The following UTRN variants were observed in gnomAD, a reference collection of about 807,000 sequenced individuals.
UTRN encodes utrophin.
UTRN carries 283 observed loss-of-function variants against 463.9 expected under a neutral mutation model. That is an observed-to-expected ratio of 0.61 (90% CI 0.55 to 0.67). The LOEUF (loss-of-function observed/expected upper bound fraction) is 0.67, where lower values mean the gene tolerates loss of function less well. Among genes scored for constraint, UTRN ranks in the 30% least tolerant of loss-of-function variants. The pLI is 0.00. For synonymous variants in UTRN, 1,442 were observed against 1,431.5 expected (o/e 1.01, Z -0.17); for missense variants, 3,922 against 4,084.3 (o/e 0.96, Z 1.08).
At chr6:144,346,936 T>C (rs1777637152) in intron 2 of UTRN, among the ~76,000 whole-genome samples, 1 of 151,982 alleles carries the variant, frequency 6.6e-6, no homozygotes, top group Admixed American at 6.6e-5. Context: ...TCTATCTTTA[T>C]CCAGCTGTAT....
intron 47 of UTRN, among the ~76,000 whole-genome samples, 171 bp downstream of exon 47, chr6:144,549,025 C>A (rs1222179676): frequency 6.6e-6 from 1 of 152,170 alleles, no homozygotes; most frequent in African/African-American, 2.4e-5. Context: ...GCTTTTCTTG[C>A]ATTTATACTG....
At chr6:144,594,237 A>G (rs932999969) in intron 51 of UTRN, among the ~76,000 whole-genome samples, 4 of 152,064 alleles carry the variant, frequency 2.6e-5, no homozygotes, top group Non-Finnish European at 4.4e-5. Flanking sequence ...CTTAACATCT[A>G]TGTAGAGCTT....
chr6:144,440,976 A>G (rs1204381516), intron 13 of UTRN, among the ~76,000 whole-genome samples: 1 of 152,114 alleles, frequency 6.6e-6, no homozygotes, highest in African/African-American at 2.4e-5. Flanking sequence ...TCACTATCAC[A>G]AGAACAGCAA....
Position 144,516,930 on chromosome 6 carries a change from T to C in UTRN, c.5523T>C (p.Thr1841=). The change falls in exon 39 of 75, where the codon ACT becomes ACC. Residue 1841 remains threonine (T), a synonymous_variant. Coordinates refer to ENST00000367545, the MANE Select transcript of UTRN (RefSeq NM_007124.3). ...GTTTGCAATTATTACTTTTGCATAC[T>C]AGATACAACAAAATTAAGGTATTAT... is the stretch of plus-strand genomic sequence containing the variant. ...KIRLQLLLLH[T]RYNKIKAIPI... is the part of the protein sequence containing the mutation. The C allele has an allele frequency of 6.8e-7, 1 of 1,480,620 alleles. No individual in the cohort carries two copies. Among genetic ancestry groups the C allele is most frequent in the Non-Finnish European group, 8.9e-7 (1 of 1,119,854 alleles). The allele number at this position is 1,480,620 out of a possible 1,614,324, so 91.7% of individuals were successfully genotyped here.
intron 23 of UTRN, among the ~76,000 whole-genome samples, chr6:144,466,503 G>T (rs999320544): frequency 6.6e-6 from 1 of 152,142 alleles, no homozygotes; most frequent in Non-Finnish European, 1.5e-5. Flanking sequence ...CCATGCCAAA[G>T]CAATAACCTC....
At chr6:144,353,852 C>G (rs1012225994) in intron 2 of UTRN, among the ~76,000 whole-genome samples, 2 of 151,922 alleles carry the variant, frequency 1.3e-5, no homozygotes, top group Non-Finnish European at 2.9e-5. Flanking sequence ...CTAAAACAAA[C>G]AAACAAACAC....
chr6:144,708,731 G>C (rs1785343289), intron 53 of UTRN, among the ~76,000 whole-genome samples: 1 of 152,244 alleles, frequency 6.6e-6, no homozygotes, highest in East Asian at 1.9e-4. Flanking sequence ...TTTCTCCCTT[G>C]GTGTTTTAGT....
chr6:144,494,002 TA>T (rs971481196), intron 33 of UTRN, among the ~76,000 whole-genome samples: 2 of 152,106 alleles, frequency 1.3e-5, no homozygotes, highest in African/African-American at 2.4e-5. Flanking sequence ...ACACTGTTTT[TA>T]AAAAAAATTT....
At chr6:144,462,320 A>G (rs951228492) in intron 22 of UTRN, among the ~76,000 whole-genome samples, 11 of 152,276 alleles carry the variant, frequency 7.2e-5, no homozygotes, top group Middle Eastern at 6.8e-3. Context: ...ATTGATGGGC[A>G]TTTGGGTTGA....
At chr6:144,647,798 C>A (rs189231178) in intron 51 of UTRN, among the ~76,000 whole-genome samples, 57 of 152,340 alleles carry the variant, frequency 3.7e-4, no homozygotes, top group Non-Finnish European at 3.5e-4. Flanking sequence ...ACAACTTTCA[C>A]ACATGGATAG....
rs1031496527 is a variant in UTRN, at chr6:144,851,319, G to A, written c.*322G>A. ...ATACAGCATTGGGAAAGTGGGTGGG[G>A]GCTTTCTAATATGATACCGTCTTTT... On this transcript the variant is annotated 3_prime_UTR_variant, in exon 75 of 75. Transcript: ENST00000367545. 3.4e-6 allele frequency: 1 copy of A among 296,782 alleles called. No homozygotes were observed. The highest frequency in any genetic ancestry group is 4.6e-5 in the Admixed American group (1 of 21,644). The allele number at this position is 296,782 out of a possible 1,614,324, so 18.4% of individuals were successfully genotyped here. A position where few individuals can be genotyped will look rare whatever the true frequency, so the allele number is the denominator to read the frequency against.
intron 51 of UTRN, among the ~76,000 whole-genome samples, chr6:144,617,939 T>C (rs1207414118): frequency 1.3e-5 from 2 of 152,176 alleles, no homozygotes; most frequent in Admixed American, 1.3e-4. Context: ...TTCTTCCAGA[T>C]AATCAAAAAA....
chr6:144,695,265 A>G (rs572071686), intron 52 of UTRN, among the ~76,000 whole-genome samples: 1 of 152,290 alleles, frequency 6.6e-6, no homozygotes, highest in South Asian at 2.1e-4. Flanking sequence ...CCATTGGAAC[A>G]ATGTAATAAT....
At chr6:144,490,833 A>T in intron 31 of UTRN, 96 bp from the exon 32 acceptor site, 1 of 1,371,364 alleles carries the variant, frequency 7.3e-7, no homozygotes. Context: ...TTCTTTTGGT[A>T]CTTTATGGTA....
At chr6:144,549,822 G>A (rs1005837304) in intron 47 of UTRN, among the ~76,000 whole-genome samples, 4 of 152,208 alleles carry the variant, frequency 2.6e-5, no homozygotes, top group African/African-American at 9.6e-5. Flanking sequence ...GAAATACAGT[G>A]TGAAACAAGG....
intron 2 of UTRN, among the ~76,000 whole-genome samples, chr6:144,391,162 C>T (rs915631735): frequency 5.3e-5 from 8 of 151,978 alleles, no homozygotes; most frequent in Admixed American, 2.0e-4. Flanking sequence ...GCCTCAAACT[C>T]CTGGGCTCAA....
At chr6:144,768,952 T>C (rs987275533) in intron 58 of UTRN, among the ~76,000 whole-genome samples, 1 of 114,018 alleles carries the variant, frequency 8.8e-6, no homozygotes, top group Non-Finnish European at 1.7e-5. Context: ...TTTTTTGTTT[T>C]GTTTTGTTTT....
chr6:144,751,813 G>A lies in UTRN; in HGVS notation c.8216G>A (p.Arg2739Lys), dbSNP rs769802323. ...QDHIEKIMAF[R>K]EEIAPINFKV... ...TTTGTTCTTTTCTTCTAGGCATTTA[G>A]AGAAGAAATTGCACCAATCAACTTT... Residue 2739 changes from arginine (R) to lysine (K), a missense_variant, in exon 56 of 75, where the codon AGA (arginine) becomes AAA (lysine). Physicochemically the swap from Arg to Lys is conservative, Grantham distance 26 (BLOSUM62 2). Around this residue, in one of 3 missense-constraint regions of UTRN, gnomAD observed 1,309 missense variants for 1,452.6 expected, o/e 0.90. Coordinates refer to ENST00000367545, the MANE Select transcript of UTRN (RefSeq NM_007124.3). The A allele has an allele frequency of 9.4e-6, 15 of 1,601,376 alleles. No individual in the cohort carries two copies. In the East Asian group the frequency reaches 2.7e-4, roughly 29 times the overall value.
intron 2 of UTRN, among the ~76,000 whole-genome samples, chr6:144,347,837 G>GTTTTTTTTTTTTTTTTTTTTTTTTTTT (rs560581181): frequency 6.2e-5 from 8 of 128,908 alleles, no homozygotes; most frequent in African/African-American, 2.7e-4. Flanking sequence ...CTTATTCTTT[G>GTTTTTTTTTTTTTTTTTTTTTTTTTTT]TTTTTTTTTT....
Sources: allele counts gnomAD v4.1 joint callset (sites outside exome capture counted in the v4.1 genomes callset), GRCh38; gene constraint gnomAD v4.1.1; regional missense constraint gnomAD v4.1.1; transcripts MANE v1.5; gene names NCBI Gene and HGNC (gene_info 2026-07-23, HGNC 2026-07-21).